The following TEKT5 variants were observed in gnomAD, a reference collection of about 807,000 sequenced individuals.
TEKT5 encodes tektin-5.
TEKT5 carries 52 observed loss-of-function variants against 48.7 expected under a neutral mutation model. The ratio of observed to expected loss-of-function variants is 1.07; its 90% CI spans 0.86 to 1.35. The LOEUF is 1.35. Among genes scored for constraint, TEKT5 ranks in the 40% most tolerant of loss-of-function variants. The probability of loss-of-function intolerance (pLI) is 0.00; values close to 1 mark genes in which losing one functional copy is unlikely to be tolerated. For synonymous variants in TEKT5, 318 were observed against 267.6 expected (o/e 1.19, Z -1.84); for missense variants, 831 against 641.6 (o/e 1.30, Z -3.19).
At chr16:10,631,848 C>A (rs1041680784) in intron 6 of TEKT5, among the ~76,000 whole-genome samples, 2 of 152,124 alleles carry the variant, frequency 1.3e-5, no homozygotes, top group Admixed American at 6.5e-5. Flanking sequence ...GGAACAGCAA[C>A]CTTGATTTGG....
intron 5 of TEKT5, among the ~76,000 whole-genome samples, chr16:10,651,398 T>C (rs1379615177): frequency 6.6e-6 from 1 of 152,186 alleles, no homozygotes; most frequent in Non-Finnish European, 1.5e-5. Context: ...TGTTGTTAAT[T>C]CCCCTAACTC....
rs149581279 is a variant in TEKT5 at position 10,694,895 on chromosome 16, G to A, written c.-22C>T. ...CCATCCTCCCTCATGAGCCCCACTC[G>A]GGCAAAACTCAGCTCAAGGAGCCAA... is the stretch of plus-strand genomic sequence containing the variant. On this transcript the variant is annotated 5_prime_UTR_variant, in exon 1 of 7. Transcript: ENST00000283025. 35 of 1,523,604 alleles carry A rather than the reference G, an allele frequency of 2.3e-5. No homozygotes were observed. The highest frequency in any genetic ancestry group is 6.6e-5 in the Admixed American group (3 of 45,694). The allele number at this position is 1,523,604 out of a possible 1,614,324, so 94.4% of individuals were successfully genotyped here.
rs1178718765 is a variant in TEKT5, at chr16:10,690,035, G to C, written c.565-10C>G. The C allele has an allele frequency of 6.2e-7, 1 of 1,613,720 alleles. No individual in the cohort carries two copies. Among genetic ancestry groups the C allele is most frequent in the East Asian group, 2.2e-5 (1 of 44,880 alleles). On this transcript the variant is annotated splice_polypyrimidine_tract_variant and intron_variant, in intron 1 of 6. Transcript: ENST00000283025. ...GACACTCCAAGGCCACCTGTGGGAA[G>C]CAGCAGAAAGAACGTATTCTTCCTG...
chr16:10,693,629 G>C (rs1016071109), intron 1 of TEKT5, among the ~76,000 whole-genome samples: 5 of 152,214 alleles, frequency 3.3e-5, no homozygotes, highest in African/African-American at 4.8e-5. Context: ...AGACTATACT[G>C]TATTCTAATA....
intron 6 of TEKT5, among the ~76,000 whole-genome samples, chr16:10,632,367 A>C (rs376910552): frequency 9.2e-5 from 14 of 152,048 alleles, no homozygotes; most frequent in African/African-American, 2.9e-4. Context: ...GCACGATTAT[A>C]GCTCACTGCA....
In TEKT5 at chr16:10,689,993, C is replaced by G; in HGVS notation, c.597G>C (p.Lys199Asn). ...VALECLYHRE[K>N]RIGIDLVHDN... ...CATGGACCAAATCAATCCCAATCCT[C>G]TTCTCTCGATGGTACAGACACTCCA... Residue 199 changes from lysine (K) to asparagine (N), a missense_variant, in exon 2 of 7, where the codon AAG (lysine) becomes AAC (asparagine). By Grantham distance (94) the Lys-to-Asn change is moderately conservative (BLOSUM62 0). Transcript: ENST00000283025. 6.2e-7 allele frequency: 1 copy of G among 1,614,148 alleles called. No individual in the cohort carries two copies. The highest frequency in any genetic ancestry group is 8.5e-7 in the Non-Finnish European group (1 of 1,180,028).
chr16:10,687,992 T>A lies in TEKT5; in HGVS notation c.719+1261A>T, dbSNP rs79502839. Among the ~76,000 whole-genome samples, 2,240 of 152,326 alleles carry A rather than the reference T, an allele frequency of 0.015. 130 individuals carry two copies. In the East Asian group the frequency reaches 0.17, roughly 12 times the overall value. On this transcript the variant is annotated intron_variant, in intron 3 of 6. Transcript: ENST00000283025. ...TTTGTGTTACAAACATTCCCATTTA[T>A]ACTCTTTAAGTTATTTTTAAATGTG...
At chr16:10,676,767 C>G (rs1898654038) in intron 4 of TEKT5, among the ~76,000 whole-genome samples, 1 of 152,224 alleles carries the variant, frequency 6.6e-6, no homozygotes, top group South Asian at 2.1e-4. Flanking sequence ...TTGTTCCAGG[C>G]AGTTAGGAGA....
intron 5 of TEKT5, among the ~76,000 whole-genome samples, chr16:10,659,101 G>A (rs1445757600): frequency 6.6e-6 from 1 of 152,286 alleles, no homozygotes; most frequent in African/African-American, 2.4e-5. Flanking sequence ...CCCACTAAAT[G>A]CCAGTAGCAT....
intron 4 of TEKT5, among the ~76,000 whole-genome samples, chr16:10,680,449 T>C (rs1445608309): frequency 2.3e-5 from 3 of 130,442 alleles, no homozygotes; most frequent in Admixed American, 8.4e-5. Flanking sequence ...CAATTCTATG[T>C]GCTAGGGATT....
In TEKT5 at chr16:10,627,741, G is replaced by GCAGC. The variant is rs1897774034; in HGVS notation, c.1296_1299dup (p.Arg434AlafsTer41). On this transcript the variant is annotated frameshift_variant, in exon 7 of 7. Coordinates refer to ENST00000283025, the MANE Select transcript of TEKT5 (RefSeq NM_144674.2). LOFTEE classifies it high-confidence loss of function. ...AGCTGCAGCGTGTCCTGTGTCTCCC[G>GCAGC]CAGCCGCAGCTTGAGGGTCTGCAGG... 6.2e-7 allele frequency: 1 copy of GCAGC among 1,614,200 alleles called. No individual in the cohort carries two copies.
At chr16:10,684,489 G>A (rs1333368331) in intron 3 of TEKT5, among the ~76,000 whole-genome samples, 6 of 151,762 alleles carry the variant, frequency 4.0e-5, no homozygotes, top group Non-Finnish European at 7.4e-5. Context: ...CAGTGGTGGC[G>A]GTTCCCACCT....
At chr16:10,650,334 C>A (rs1414764628) in intron 5 of TEKT5, among the ~76,000 whole-genome samples, 1 of 151,910 alleles carries the variant, frequency 6.6e-6, no homozygotes, top group African/African-American at 2.4e-5. Flanking sequence ...CTCCTGACCT[C>A]AGGTGATCTG....
Position 10,674,617 on chromosome 16 carries a change from G to GAAA in TEKT5, c.1086+1339_1086+1341dup, listed in dbSNP as rs57583870. Among the ~76,000 whole-genome samples, 148 of 74,724 alleles carry GAAA rather than the reference G, an allele frequency of 2.0e-3. 13 individuals carry two copies. The highest frequency in any genetic ancestry group is 0.012 in the East Asian group (33 of 2,696). 49.0% of individuals were successfully genotyped at this position (74,724 alleles called of 152,430 possible). On this transcript the variant is annotated intron_variant, in intron 5 of 6. Transcript: ENST00000283025. ...TGGGCAACAGAGCAAGATCATCTCAGAAAAAAAAAAAAAAAAAAAAAAAAC... is the reference window on the plus strand; with the variant it reads ...TGGGCAACAGAGCAAGATCATCTCAGAAAAAAAAAAAAAAAAAAAAAAAAAAAC...
At chr16:10,648,772 C>G (rs190056217) in intron 5 of TEKT5, among the ~76,000 whole-genome samples, 4 of 152,250 alleles carry the variant, frequency 2.6e-5, no homozygotes, top group African/African-American at 9.6e-5. Context: ...GGCCATCTTG[C>G]ATGGTTCACA....
chr16:10,639,999 C>T (rs1391726959), intron 5 of TEKT5, among the ~76,000 whole-genome samples: 1 of 145,288 alleles, frequency 6.9e-6, no homozygotes, highest in African/African-American at 2.5e-5. Context: ...TTTTCTTCCT[C>T]CTCTTCCTCC....
chr16:10,647,143 C>T (rs934125000), intron 5 of TEKT5, among the ~76,000 whole-genome samples: 2 of 151,914 alleles, frequency 1.3e-5, no homozygotes, highest in African/African-American at 4.8e-5. Context: ...CTGGGGTGGA[C>T]GGGACATTAC....
At chr16:10,666,337 C>T (rs1285905848) in intron 5 of TEKT5, among the ~76,000 whole-genome samples, 2 of 152,180 alleles carry the variant, frequency 1.3e-5, no homozygotes, top group African/African-American at 2.4e-5. Flanking sequence ...CCTCCTGTTC[C>T]TCGGTGGTGC....
intron 4 of TEKT5, 121 bp from the exon 5 acceptor site, chr16:10,676,302 G>A: frequency 1.0e-6 from 1 of 956,908 alleles, no homozygotes; most frequent in Non-Finnish European, 1.6e-6. Flanking sequence ...ATTGTAGGGT[G>A]CTTGGGATGT....
Sources: gnomAD v4.1 joint callset for allele counts (sites outside exome capture counted in the v4.1 genomes callset) on GRCh38, gnomAD v4.1.1 for gene constraint, MANE v1.5 for transcripts, NCBI Gene and HGNC (gene_info 2026-07-23, HGNC 2026-07-21) for gene names.